The following TMEM230 variants were observed in gnomAD, a reference collection of about 807,000 sequenced individuals.
The protein encoded by TMEM230 is transmembrane protein 230.
In TMEM230, 10 loss-of-function variants were observed where a neutral mutation model predicts 15.8. That is an observed-to-expected ratio of 0.63 (90% CI 0.39 to 1.07). TMEM230 has a LOEUF of 1.07. TMEM230 is among the 50% of genes least tolerant of loss of function. The pLI is 0.01. For synonymous variants in TMEM230, 67 were observed against 76.9 expected (o/e 0.87, Z 0.68); for missense variants, 165 against 193.3 (o/e 0.85, Z 0.87).
downstream of TMEM230, among the ~76,000 whole-genome samples, chr20:5,064,978 C>A (rs1041893376): frequency 6.6e-6 from 1 of 151,750 alleles, no homozygotes; most frequent in Non-Finnish European, 1.5e-5. Flanking sequence ...TGAGACCAGC[C>A]TGGGCCAACA....
the TMEM230 span, among the ~76,000 whole-genome samples, chr20:5,059,222 G>T: frequency 1.3e-5 from 2 of 151,434 alleles, no homozygotes; most frequent in Non-Finnish European, 2.9e-5. Context: ...GAGTGCAGTG[G>T]TGTGATCATG....
At chr20:5,093,710 T>C (rs2122672631) in intron 3 of TMEM230, among the ~76,000 whole-genome samples, 1 of 151,436 alleles carries the variant, frequency 6.6e-6, no homozygotes, top group African/African-American at 2.4e-5. Flanking sequence ...CTGATTTTTG[T>C]ATTTTTAGTA....
intron 3 of TMEM230, among the ~76,000 whole-genome samples, chr20:5,070,409 G>A (rs2088785049): frequency 6.6e-6 from 1 of 152,262 alleles, no homozygotes; most frequent in East Asian, 1.9e-4. Context: ...AGAACCATAA[G>A]ACACAAAAAT....
intron 3 of TMEM230, among the ~76,000 whole-genome samples, chr20:5,074,661 G>C (rs148167068): frequency 6.7e-6 from 1 of 150,344 alleles, no homozygotes; most frequent in Non-Finnish European, 1.5e-5. Context: ...AGAGGAGACC[G>C]GGCATGGTGG....
chr20:5,112,301 A>AT (rs1377323000), intron 1 of TMEM230, among the ~76,000 whole-genome samples: 3 of 152,244 alleles, frequency 2.0e-5, no homozygotes, highest in African/African-American at 7.2e-5. Flanking sequence ...TTCAAAAAAG[A>AT]TTGGATCAAA....
chr20:5,111,087 C>G (rs1030554198), intron 2 of TMEM230: 2 of 151,578 alleles, frequency 1.3e-5, no homozygotes, highest in Non-Finnish European at 2.9e-5. Flanking sequence ...AAGGCTGAGG[C>G]ACGAGAATAG....
At chr20:5,062,478 G>A in the TMEM230 span, among the ~76,000 whole-genome samples, 5 of 151,754 alleles carry the variant, frequency 3.3e-5, no homozygotes, top group Non-Finnish European at 7.4e-5. Flanking sequence ...GTCCTAGGTC[G>A]AGCACAGTGG....
chr20:5,104,402 G>A (rs2089988944), intron 4 of TMEM230, among the ~76,000 whole-genome samples: 1 of 152,222 alleles, frequency 6.6e-6, no homozygotes, highest in African/African-American at 2.4e-5. Flanking sequence ...ACGAATGCTA[G>A]CGAGGACGTG....
intron 3 of TMEM230, among the ~76,000 whole-genome samples, chr20:5,091,164 A>T (rs188036077): frequency 6.6e-6 from 1 of 152,204 alleles, no homozygotes; most frequent in Admixed American, 6.5e-5. Flanking sequence ...GAGCCCAGCT[A>T]ATTTTTTTAT....
downstream of TMEM230, among the ~76,000 whole-genome samples, chr20:5,064,208 A>G (rs970634961): frequency 3.3e-5 from 5 of 151,482 alleles, no homozygotes; most frequent in African/African-American, 1.2e-4. Context: ...CGGAGGTTGC[A>G]GTGTGCTGAG....
chr20:5,101,003 T>TA, intron 4 of TMEM230, 72 bp from the exon 4 acceptor site: 2 of 1,570,420 alleles, frequency 1.3e-6, no homozygotes, highest in Non-Finnish European at 1.7e-6. Flanking sequence ...GTCACAGACC[T>TA]AATCCTTAGA....
downstream of TMEM230, among the ~76,000 whole-genome samples, chr20:5,096,471 A>C (rs2089667575): frequency 6.6e-6 from 1 of 152,172 alleles, no homozygotes; most frequent in Non-Finnish European, 1.5e-5. Flanking sequence ...ACTTAATGAA[A>C]AATCAAGGCA....
intron 3 of TMEM230, among the ~76,000 whole-genome samples, chr20:5,107,854 G>GT (rs2090157108): frequency 6.7e-6 from 1 of 150,136 alleles, no homozygotes; most frequent in Non-Finnish European, 1.5e-5. Context: ...ACTCACGCCT[G>GT]TAATTCCAGC....
intron 3 of TMEM230, among the ~76,000 whole-genome samples, chr20:5,093,946 C>G (rs964092051): frequency 1.3e-5 from 2 of 150,886 alleles, no homozygotes; most frequent in African/African-American, 4.9e-5. Flanking sequence ...GATCAGTGAG[C>G]TTTTTTTTTC....
intron 4 of TMEM230, among the ~76,000 whole-genome samples, chr20:5,104,865 A>G (rs1288450412): frequency 6.6e-6 from 1 of 152,250 alleles, no homozygotes; most frequent in Admixed American, 6.5e-5. Flanking sequence ...TGGTTACCAA[A>G]GGCTGGGAAA....
intron 1 of TMEM230, among the ~76,000 whole-genome samples, chr20:5,111,975 T>A (rs1360634994): frequency 6.6e-6 from 1 of 152,180 alleles, no homozygotes; most frequent in Non-Finnish European, 1.5e-5. Flanking sequence ...GCCTCCCAAG[T>A]GGCTGGGACT....
At chr20:5,108,740 G>A (rs1294335673) in intron 3 of TMEM230, among the ~76,000 whole-genome samples, 1 of 152,176 alleles carries the variant, frequency 6.6e-6, no homozygotes, top group Non-Finnish European at 1.5e-5. Flanking sequence ...AAGGGGAAGT[G>A]TGCAAAAGGA....
rs758119588 is a variant in TMEM230 at position 5,111,607 on chromosome 20, TAAAAAAAAAAAAAAAAAAAAAA to T, written c.69-24_69-3del. 43 of 58,958 alleles carry T rather than the reference TAAAAAAAAAAAAAAAAAAAAAA, an allele frequency of 7.3e-4. No individual in the cohort carries two copies. The highest frequency in any genetic ancestry group is 3.1e-3 in the East Asian group (2 of 650). 3.7% of individuals were successfully genotyped at this position (58,958 alleles called of 1,614,324 possible). A position where few individuals can be genotyped will look rare whatever the true frequency, so the allele number is the denominator to read the frequency against. ...CTGGGCGACAGAACTAGACTCCATC[TAAAAAAAAAAAAAAAAAAAAAA>T]AAAAAAAAAAAAAAAAAATTCAGTA... On this transcript the variant is annotated splice_region_variant and splice_polypyrimidine_tract_variant and intron_variant, in intron 1 of 4. Transcript: ENST00000342308.
downstream of TMEM230, among the ~76,000 whole-genome samples, chr20:5,067,058 C>T (rs139105723): frequency 4.4e-3 from 669 of 152,144 alleles, 3 homozygotes; most frequent in African/African-American, 0.015. Context: ...TGAGAAACGG[C>T]GCAGGGCGGA....
Sources: gnomAD v4.1 joint callset for allele counts (sites outside exome capture counted in the v4.1 genomes callset) on GRCh38, gnomAD v4.1.1 for gene constraint, MANE v1.5 for transcripts, NCBI Gene and HGNC (gene_info 2026-07-23, HGNC 2026-07-21) for gene names.